Variants in KDM4C observed in about 807,000 individuals in gnomAD.
KDM4C encodes lysine demethylase 4C.
In KDM4C, 81 loss-of-function variants were observed where a neutral mutation model predicts 129.3. That is an observed-to-expected ratio of 0.63 (90% CI 0.52 to 0.75). KDM4C has a LOEUF of 0.75. Among genes scored for constraint, KDM4C ranks in the 30% least tolerant of loss-of-function variants. The pLI is 0.00. For missense variants in KDM4C, 1,457 were observed against 1,304.0 expected (o/e 1.12, Z -1.81); for synonymous variants, 573 against 456.1 (o/e 1.26, Z -3.26).
At chr9:7,044,349 C>A (rs1829062888) in intron 15 of KDM4C, among the ~76,000 whole-genome samples, 1 of 151,888 alleles carries the variant, frequency 6.6e-6, no homozygotes, top group African/African-American at 2.4e-5. Context: ...AAGACCAAGA[C>A]CTGATGATTC....
At chr9:6,823,611 G>A (rs989530838) in intron 4 of KDM4C, among the ~76,000 whole-genome samples, 15 of 152,232 alleles carry the variant, frequency 9.9e-5, no homozygotes, top group Non-Finnish European at 2.1e-4. Flanking sequence ...TTGCTCCTTC[G>A]TTGCTGCTGC....
intron 5 of KDM4C, among the ~76,000 whole-genome samples, chr9:6,873,972 G>GAGAGAGAGA (rs1843187817): frequency 6.6e-6 from 1 of 150,994 alleles, no homozygotes; most frequent in African/African-American, 2.4e-5. Context: ...GAGAGAGAGA[G>GAGAGAGAGA]GATCAGCTAG....
chr9:6,909,209 C>G (rs1010923572), intron 8 of KDM4C, among the ~76,000 whole-genome samples: 1 of 152,198 alleles, frequency 6.6e-6, no homozygotes, highest in African/African-American at 2.4e-5. Flanking sequence ...AGAGAGGGGT[C>G]TGCTTCTTGT....
At chr9:6,813,850 T>G (rs1367836511) in intron 3 of KDM4C, among the ~76,000 whole-genome samples, 1 of 152,206 alleles carries the variant, frequency 6.6e-6, no homozygotes, top group African/African-American at 2.4e-5. Flanking sequence ...GTAACCTGAT[T>G]TATTCACTGT....
intron 8 of KDM4C, among the ~76,000 whole-genome samples, chr9:6,931,661 C>T (rs1823764971): frequency 6.6e-6 from 1 of 152,112 alleles, no homozygotes; most frequent in South Asian, 2.1e-4. Flanking sequence ...CCACCACACC[C>T]AGCTAATTTT....
intron 14 of KDM4C, among the ~76,000 whole-genome samples, chr9:7,015,361 T>C (rs1207097977): frequency 2.6e-5 from 4 of 152,172 alleles, no homozygotes; most frequent in Non-Finnish European, 5.9e-5. Flanking sequence ...TAGATAGTTA[T>C]TTTGGGTCAG....
At chr9:6,859,174 A>C (rs150624834) in intron 5 of KDM4C, among the ~76,000 whole-genome samples, 1 of 152,070 alleles carries the variant, frequency 6.6e-6, no homozygotes, top group East Asian at 1.9e-4. Flanking sequence ...CATACTAATC[A>C]CTGTTAGAAA....
chr9:6,925,284 A>C (rs897369949), intron 8 of KDM4C: 1 of 985,292 alleles, frequency 1.0e-6, no homozygotes, highest in East Asian at 1.1e-4. Flanking sequence ...TACTATGGGA[A>C]AATATAATAA....
chr9:6,824,839 T>C (rs903639319), intron 4 of KDM4C, among the ~76,000 whole-genome samples: 2 of 152,068 alleles, frequency 1.3e-5, no homozygotes, highest in African/African-American at 4.8e-5. Context: ...AAATCTCTTA[T>C]GTCTAGCTCA....
chr9:6,923,360 G>GT (rs1001362455), intron 8 of KDM4C, among the ~76,000 whole-genome samples: 25 of 150,826 alleles, frequency 1.7e-4, no homozygotes, highest in East Asian at 3.9e-4. Context: ...CCGTTTAAAT[G>GT]TTTTTTTTTC....
At chr9:6,807,860 A>G (rs377463058) in intron 3 of KDM4C, among the ~76,000 whole-genome samples, 25,434 of 111,854 alleles carry the variant, frequency 0.23, 1,605 homozygotes, top group African/African-American at 0.3. Flanking sequence ...CAGCCCCCCA[A>G]CCTGGCCAGC....
At chr9:7,061,850 C>G (rs536293798) in intron 17 of KDM4C, among the ~76,000 whole-genome samples, 2 of 152,276 alleles carry the variant, frequency 1.3e-5, no homozygotes, top group Non-Finnish European at 2.9e-5. Context: ...GGGAAACTAA[C>G]CTCTTGTTCA....
At chr9:7,161,919 A>G (rs1378694270) in intron 19 of KDM4C, among the ~76,000 whole-genome samples, 2 of 152,262 alleles carry the variant, frequency 1.3e-5, no homozygotes, top group Non-Finnish European at 2.9e-5. Flanking sequence ...AATGTGAAAC[A>G]GCTGATGAAT....
intron 17 of KDM4C, among the ~76,000 whole-genome samples, chr9:7,071,153 G>A (rs1454696986): frequency 6.6e-6 from 1 of 152,056 alleles, no homozygotes; most frequent in Non-Finnish European, 1.5e-5. Context: ...CGCTAATAAA[G>A]GAAATCAAAG....
intron 11 of KDM4C, among the ~76,000 whole-genome samples, chr9:6,987,430 C>T (rs1468830106): frequency 6.6e-6 from 1 of 152,128 alleles, no homozygotes; most frequent in Non-Finnish European, 1.5e-5. Context: ...AAGAGTGGAT[C>T]AGGGGAGCTA....
chr9:6,987,253 G>A (rs896526414), intron 11 of KDM4C, among the ~76,000 whole-genome samples: 3 of 152,124 alleles, frequency 2.0e-5, no homozygotes, highest in Admixed American at 2.0e-4. Context: ...TCAGGACCAG[G>A]GTGACCTTTC....
At chr9:7,019,410 G>T (rs1824252251) in intron 15 of KDM4C, among the ~76,000 whole-genome samples, 1 of 151,616 alleles carries the variant, frequency 6.6e-6, no homozygotes. Flanking sequence ...TTCATTGGTG[G>T]CTTGTAGTTC....
intron 4 of KDM4C, among the ~76,000 whole-genome samples, chr9:6,826,972 G>C (rs1833991077): frequency 6.6e-6 from 1 of 152,164 alleles, no homozygotes; most frequent in Non-Finnish European, 1.5e-5. Context: ...GATGTGGGTG[G>C]GTGGAGGCGG....
chr9:7,084,219 C>T (rs1382169650), intron 17 of KDM4C, among the ~76,000 whole-genome samples: 1 of 152,150 alleles, frequency 6.6e-6, no homozygotes, highest in South Asian at 2.1e-4. Flanking sequence ...CTTTCGGAGC[C>T]ACTACATGGT....
Sources: allele counts gnomAD v4.1 joint callset (sites outside exome capture counted in the v4.1 genomes callset), GRCh38; gene constraint gnomAD v4.1.1; transcripts MANE v1.5; gene names NCBI Gene and HGNC (gene_info 2026-07-23, HGNC 2026-07-21).